The following ATG10 variants were observed in gnomAD, a reference collection of about 807,000 sequenced individuals.
ATG10 encodes the protein autophagy related 10, also known as ubiquitin-like-conjugating enzyme ATG10.
Under a neutral mutation model 32.1 loss-of-function variants are expected in ATG10, and 30 were observed. That is an observed-to-expected ratio of 0.94 (90% CI 0.70 to 1.27). The LOEUF is 1.27. Among genes scored for constraint, ATG10 ranks in the 50% most tolerant of loss-of-function variants. ATG10 has a pLI of 0.00. For synonymous variants in ATG10, 87 were observed against 91.5 expected (o/e 0.95, Z 0.28); for missense variants, 233 against 262.3 (o/e 0.89, Z 0.77).
At chr5:82,158,052 C>A (rs1372162327) in intron 3 of ATG10, among the ~76,000 whole-genome samples, 1 of 152,148 alleles carries the variant, frequency 6.6e-6, no homozygotes, top group Non-Finnish European at 1.5e-5. Flanking sequence ...TTTGGGTTTG[C>A]TTTCAATAAA....
At chr5:82,248,680 C>T (rs915383068) in intron 5 of ATG10, among the ~76,000 whole-genome samples, 1 of 152,090 alleles carries the variant, frequency 6.6e-6, no homozygotes, top group Non-Finnish European at 1.5e-5. Flanking sequence ...TTTATTCTAT[C>T]ACAGCTGGAA....
intron 3 of ATG10, among the ~76,000 whole-genome samples, chr5:82,124,837 C>G (rs1220647564): frequency 6.6e-6 from 1 of 152,114 alleles, no homozygotes; most frequent in Non-Finnish European, 1.5e-5. Context: ...AACAGTATTT[C>G]TGGTTCTAGA....
intron 2 of ATG10, among the ~76,000 whole-genome samples, chr5:81,997,879 A>C (rs913273443): frequency 3.9e-5 from 6 of 152,230 alleles, no homozygotes; most frequent in Admixed American, 2.0e-4. Context: ...TTTGAAAAAT[A>C]TAGAGTTATG....
chr5:82,170,266 T>G (rs1743750310), intron 4 of ATG10, among the ~76,000 whole-genome samples: 1 of 152,232 alleles, frequency 6.6e-6, no homozygotes, highest in Non-Finnish European at 1.5e-5. Context: ...CAATGAGCCC[T>G]GTTTGAAATA....
intron 3 of ATG10, among the ~76,000 whole-genome samples, chr5:82,083,183 A>G (rs1325498748): frequency 6.6e-6 from 1 of 152,180 alleles, no homozygotes; most frequent in Non-Finnish European, 1.5e-5. Context: ...AGGAGATTAT[A>G]TCCTGTGCCT....
intron 2 of ATG10, among the ~76,000 whole-genome samples, chr5:82,018,991 G>A (rs893387377): frequency 1.3e-5 from 2 of 151,868 alleles, no homozygotes; most frequent in African/African-American, 4.8e-5. Flanking sequence ...TGTTTAATTT[G>A]TTGATATGCC....
intron 2 of ATG10, among the ~76,000 whole-genome samples, chr5:82,013,310 A>G (rs1317386796): frequency 6.6e-6 from 1 of 152,134 alleles, no homozygotes; most frequent in Non-Finnish European, 1.5e-5. Context: ...GTGAGTGAGA[A>G]CATACGATGT....
intron 2 of ATG10, among the ~76,000 whole-genome samples, chr5:81,997,204 C>T (rs761079892): frequency 6.6e-6 from 1 of 152,216 alleles, no homozygotes; most frequent in Non-Finnish European, 1.5e-5. Context: ...GATCCCACTG[C>T]CACCGCCCAA....
chr5:82,197,720 T>TCCTA (rs1554056711), intron 5 of ATG10, among the ~76,000 whole-genome samples: 2 of 143,830 alleles, frequency 1.4e-5, no homozygotes, highest in African/African-American at 5.3e-5. Flanking sequence ...CTTTCTTTCT[T>TCCTA]TCTATCTATC....
At chr5:82,197,491 CCTACCTACCTGCCTAT>C (rs1385860464) in intron 5 of ATG10, among the ~76,000 whole-genome samples, 1 of 151,912 alleles carries the variant, frequency 6.6e-6, no homozygotes, top group Admixed American at 6.6e-5. Flanking sequence ...TACCTACCTA[CCTACCTACCTGCCTAT>C]CTACCTATCT....
At chr5:82,010,642 T>C (rs1488359945) in intron 2 of ATG10, among the ~76,000 whole-genome samples, 2 of 152,208 alleles carry the variant, frequency 1.3e-5, no homozygotes, top group Non-Finnish European at 2.9e-5. Flanking sequence ...AGGTAAGATA[T>C]TGATTTTACT....
intron 4 of ATG10, among the ~76,000 whole-genome samples, chr5:82,168,373 T>C (rs936761343): frequency 2.6e-5 from 4 of 152,262 alleles, no homozygotes; most frequent in Non-Finnish European, 5.9e-5. Context: ...GATTCATCTC[T>C]TTCTTTTCAT....
chr5:82,152,381 A>G (rs991203538), intron 3 of ATG10, among the ~76,000 whole-genome samples: 1 of 152,260 alleles, frequency 6.6e-6, no homozygotes, highest in Non-Finnish European at 1.5e-5. Context: ...GCTCAGCAGC[A>G]CTGACTCTGA....
intron 3 of ATG10, among the ~76,000 whole-genome samples, chr5:82,142,320 C>G (rs989888442): frequency 6.6e-6 from 1 of 152,026 alleles, no homozygotes; most frequent in Admixed American, 6.5e-5. Flanking sequence ...AAGCAGTGTC[C>G]AAGTTTCCTA....
chr5:82,159,832 C>T (rs1743237597), intron 3 of ATG10, among the ~76,000 whole-genome samples: 1 of 152,194 alleles, frequency 6.6e-6, no homozygotes. Flanking sequence ...AATTGCCTCA[C>T]TGTTTCTGTG....
intron 2 of ATG10, among the ~76,000 whole-genome samples, chr5:82,057,118 T>A (rs188885751): frequency 1.2e-3 from 181 of 152,284 alleles, no homozygotes; most frequent in African/African-American, 4.2e-3. Flanking sequence ...GACAGAGGCA[T>A]CAACCAATCA....
At chr5:82,218,113 C>T (rs1745768518) in intron 5 of ATG10, among the ~76,000 whole-genome samples, 1 of 149,720 alleles carries the variant, frequency 6.7e-6, no homozygotes, top group Non-Finnish European at 1.5e-5. Context: ...TTATTTTAAC[C>T]TATCAGTTAC....
intron 5 of ATG10, among the ~76,000 whole-genome samples, chr5:82,204,296 G>C (rs1193931705): frequency 1.3e-5 from 2 of 152,112 alleles, no homozygotes; most frequent in African/African-American, 2.4e-5. Flanking sequence ...ACTAGACTCT[G>C]GGGTACAATG....
intron 2 of ATG10, among the ~76,000 whole-genome samples, chr5:82,030,582 C>G (rs925601683): frequency 6.6e-6 from 1 of 152,162 alleles, no homozygotes; most frequent in Non-Finnish European, 1.5e-5. Context: ...CTGATTCTGT[C>G]TTTCCTCATA....
Sources: allele counts gnomAD v4.1 joint callset (sites outside exome capture counted in the v4.1 genomes callset), GRCh38; gene constraint gnomAD v4.1.1; transcripts MANE v1.5; gene names NCBI Gene and HGNC (gene_info 2026-07-23, HGNC 2026-07-21).